The following CDKAL1 variants were observed in gnomAD, a reference collection of about 807,000 sequenced individuals.
CDKAL1 encodes the protein CDKAL1 threonylcarbamoyladenosine tRNA methylthiotransferase.
In CDKAL1, 32 loss-of-function variants were observed where a neutral mutation model predicts 68.2. That is an observed-to-expected ratio of 0.47 (90% CI 0.35 to 0.63). CDKAL1 has a LOEUF of 0.63. Ranked by LOEUF, CDKAL1 falls within the 30% of genes least tolerant of loss-of-function variation. The pLI, the probability that CDKAL1 is intolerant of heterozygous loss-of-function variation, is 0.00. For synonymous variants in CDKAL1, 234 were observed against 244.3 expected (o/e 0.96, Z 0.39); for missense variants, 606 against 696.7 (o/e 0.87, Z 1.47).
chr6:20,591,002 A>G (rs1765569048), intron 4 of CDKAL1, among the ~76,000 whole-genome samples: 1 of 152,166 alleles, frequency 6.6e-6, no homozygotes, highest in Admixed American at 6.5e-5. Flanking sequence ...ATTTCTCGAC[A>G]TCCTCTCTGG....
At chr6:20,685,562 T>C (rs1274434867) in intron 5 of CDKAL1, among the ~76,000 whole-genome samples, 2 of 152,224 alleles carry the variant, frequency 1.3e-5, no homozygotes, top group Non-Finnish European at 2.9e-5. Context: ...TTGATAGGGA[T>C]TGCATTGAAT....
chr6:21,039,703 G>A (rs894549678), intron 11 of CDKAL1, among the ~76,000 whole-genome samples: 1 of 152,134 alleles, frequency 6.6e-6, no homozygotes, highest in Non-Finnish European at 1.5e-5. Context: ...TATAAAATAT[G>A]GAATCAGAAC....
intron 10 of CDKAL1, among the ~76,000 whole-genome samples, chr6:20,985,143 A>G (rs559325535): frequency 1.3e-5 from 2 of 152,286 alleles, no homozygotes; most frequent in East Asian, 3.9e-4. Flanking sequence ...GTACAGTTTG[A>G]CATTTCCATT....
intron 4 of CDKAL1, among the ~76,000 whole-genome samples, chr6:20,549,451 A>G (rs1297050267): frequency 6.6e-6 from 1 of 152,112 alleles, no homozygotes; most frequent in Non-Finnish European, 1.5e-5. Flanking sequence ...TACAACTAAT[A>G]AACATCCTAT....
At chr6:21,006,163 T>C (rs1217747159) in intron 11 of CDKAL1, among the ~76,000 whole-genome samples, 1 of 152,196 alleles carries the variant, frequency 6.6e-6, no homozygotes, top group African/African-American at 2.4e-5. Flanking sequence ...TGGTCATTCA[T>C]GTGTGCTTAT....
chr6:20,908,824 T>A (rs1762340588), intron 9 of CDKAL1, among the ~76,000 whole-genome samples: 1 of 152,208 alleles, frequency 6.6e-6, no homozygotes, highest in Non-Finnish European at 1.5e-5. Flanking sequence ...TAAATAATCT[T>A]ATTTCTTGGT....
chr6:21,058,060 A>C (rs1048995472), intron 11 of CDKAL1, among the ~76,000 whole-genome samples: 4 of 152,210 alleles, frequency 2.6e-5, no homozygotes, highest in Non-Finnish European at 5.9e-5. Context: ...TAAATCCTGA[A>C]TATCTTTCTT....
At chr6:21,158,020 T>G (rs1233476219) in intron 13 of CDKAL1, among the ~76,000 whole-genome samples, 1 of 152,274 alleles carries the variant, frequency 6.6e-6, no homozygotes, top group East Asian at 1.9e-4. Context: ...CACATGCATT[T>G]GTTTTTCTTT....
chr6:20,694,031 C>A (rs551211734), intron 5 of CDKAL1, among the ~76,000 whole-genome samples: 81 of 146,168 alleles, frequency 5.5e-4, no homozygotes, highest in African/African-American at 2.1e-3. Context: ...CACTAACACA[C>A]CCGGCTAACT....
chr6:20,647,082 G>GT (rs201199338), intron 4 of CDKAL1, among the ~76,000 whole-genome samples: 152 of 151,768 alleles, frequency 1.0e-3, no homozygotes, highest in African/African-American at 3.0e-3. Flanking sequence ...ACAATTGCTA[G>GT]TTTTTTTTTA....
At chr6:20,538,671 A>G (rs1037632608) in intron 2 of CDKAL1, among the ~76,000 whole-genome samples, 10 of 152,190 alleles carry the variant, frequency 6.6e-5, no homozygotes, top group Admixed American at 5.9e-4. Context: ...ATGATCTGTC[A>G]GTAGTTCTTC....
At chr6:20,892,283 GAA>G (rs1180126437) in intron 9 of CDKAL1, among the ~76,000 whole-genome samples, 1 of 152,182 alleles carries the variant, frequency 6.6e-6, no homozygotes, top group Non-Finnish European at 1.5e-5. Flanking sequence ...CTTCACAGAT[GAA>G]AAGAGACTTA....
At chr6:20,550,241 G>A (rs1763766141) in intron 4 of CDKAL1, among the ~76,000 whole-genome samples, 1 of 152,080 alleles carries the variant, frequency 6.6e-6, no homozygotes, top group Non-Finnish European at 1.5e-5. Context: ...GCCTCCCAAA[G>A]TGCTGGGATT....
intron 9 of CDKAL1, among the ~76,000 whole-genome samples, chr6:20,882,870 G>T (rs527961183): frequency 6.6e-6 from 1 of 152,132 alleles, no homozygotes; most frequent in African/African-American, 2.4e-5. Flanking sequence ...GGCTTCCTCT[G>T]ATTCCTAGAG....
intron 15 of CDKAL1, among the ~76,000 whole-genome samples, chr6:21,206,428 C>G (rs188948499): frequency 5.9e-5 from 9 of 152,280 alleles, no homozygotes; most frequent in Admixed American, 5.2e-4. Flanking sequence ...AGTTTTACTA[C>G]TAATGTTCTT....
intron 12 of CDKAL1, among the ~76,000 whole-genome samples, chr6:21,070,395 C>CT (rs1206700110): frequency 1.1e-4 from 4 of 37,102 alleles, no homozygotes; most frequent in African/African-American, 5.4e-4. Context: ...CTTTTTGTTT[C>CT]TCTCTTTTTT....
At chr6:20,618,183 T>C (rs1767010868) in intron 4 of CDKAL1, among the ~76,000 whole-genome samples, 1 of 152,252 alleles carries the variant, frequency 6.6e-6, no homozygotes, top group Non-Finnish European at 1.5e-5. Context: ...ATGAGCATTT[T>C]TTCATGTGTC....
At chr6:20,911,667 G>A (rs1339347850) in intron 9 of CDKAL1, among the ~76,000 whole-genome samples, 2 of 152,180 alleles carry the variant, frequency 1.3e-5, no homozygotes, top group East Asian at 3.8e-4. Flanking sequence ...TATGTCCTTA[G>A]TTCCTAACAG....
intron 12 of CDKAL1, among the ~76,000 whole-genome samples, chr6:21,107,189 C>T (rs993337744): frequency 3.3e-5 from 5 of 152,080 alleles, no homozygotes; most frequent in Non-Finnish European, 5.9e-5. Context: ...CCTTGTGATC[C>T]GCCCACTTCG....
Sources: gnomAD v4.1 joint callset for allele counts (sites outside exome capture counted in the v4.1 genomes callset) on GRCh38, gnomAD v4.1.1 for gene constraint, MANE v1.5 for transcripts, NCBI Gene and HGNC (gene_info 2026-07-23, HGNC 2026-07-21) for gene names.